The following RUBCNL variants were observed in gnomAD, a reference collection of about 807,000 sequenced individuals.
RUBCNL encodes the protein rubicon like autophagy enhancer.
In RUBCNL, 62 loss-of-function variants were observed where a neutral mutation model predicts 69.5. That is an observed-to-expected ratio of 0.89 (90% CI 0.73 to 1.10). RUBCNL has a LOEUF of 1.10. Among genes scored for constraint, RUBCNL ranks in the 50% least tolerant of loss-of-function variants. The pLI is 0.00. For missense variants in RUBCNL, 768 were observed against 798.1 expected, an observed-to-expected ratio of 0.96 and a Z score of 0.45; for synonymous variants, 291 against 303.6, an observed-to-expected ratio of 0.96 and a Z score of 0.43.
rs375648946 is a variant in RUBCNL at position 46,376,479 on chromosome 13, C to T, written c.-123+1411G>A. Among the ~76,000 whole-genome samples, 369 of 152,200 alleles carry T rather than the reference C, an allele frequency of 2.4e-3. 4 individuals are homozygous for T. Among genetic ancestry groups the T allele is most frequent in the South Asian group, 0.016 (77 of 4,812 alleles). Reference sequence around the variant, plus strand: ...ACAGAGTACAGCTGGTTGTGTTAACCGCCAGAACTCACCAGCCCAAGATGC... The same window carrying T: ...ACAGAGTACAGCTGGTTGTGTTAACTGCCAGAACTCACCAGCCCAAGATGC... On this transcript the variant is annotated intron_variant, in intron 2 of 14. Transcript: ENST00000429979.
chr13:46,345,644 C>A, intron 12 of RUBCNL, 44 bp from the exon 13 acceptor site: 1 of 1,603,842 alleles, frequency 6.2e-7, no homozygotes, highest in African/African-American at 1.3e-5. Flanking sequence ...CCCACCCACA[C>A]AGAGGACAGG....
intron 11 of RUBCNL, 151 bp downstream of exon 11, chr13:46,349,962 G>C: frequency 1.6e-6 from 1 of 640,938 alleles, no homozygotes; most frequent in Non-Finnish European, 2.7e-6. Flanking sequence ...GGGATTACAG[G>C]TGTGAGCCCC....
Position 46,372,184 on chromosome 13 carries a change from A to G in RUBCNL, c.292T>C (p.Ser98Pro). The G allele has an allele frequency of 6.2e-7, 1 of 1,613,992 alleles. No individual in the cohort carries two copies. The highest frequency in any genetic ancestry group is 8.5e-7 in the Non-Finnish European group (1 of 1,179,872). ...TCAGACAACGTTGTCTCTGCCAGGG[A>G]GTCCCCGAGGCACGAAGGTGAAGGG... ...SGPSPSCLGDSLAETTLSEDT... is the reference protein window; with the variant it reads ...SGPSPSCLGDPLAETTLSEDT... Residue 98 changes from serine (S) to proline (P), a missense_variant, in exon 3 of 15, where the codon TCC (serine) becomes CCC (proline). Transcript: ENST00000429979.
Position 46,341,963 on chromosome 13 carries a change from A to G in RUBCNL, c.*1422T>C, listed in dbSNP as rs1035057455. On this transcript the variant is annotated 3_prime_UTR_variant, in exon 15 of 15. Transcript: ENST00000429979. The stretch of plus-strand genomic sequence containing the variant: ...CATACCACTCTTACCCTTGATTCTT[A>G]ACAGGGAATAGGAGCAATGGGCAAG... The G allele has an allele frequency of 6.6e-6, 1 of 152,252 alleles. No individual in the cohort carries two copies. Among genetic ancestry groups the G allele is most frequent in the Non-Finnish European group, 1.5e-5 (1 of 68,040 alleles). The allele number at this position is 152,252 out of a possible 1,614,324, so 9.4% of individuals were successfully genotyped here. A position where few individuals can be genotyped will look rare whatever the true frequency, so the allele number is the denominator to read the frequency against.
intron 1 of RUBCNL, 43 bp downstream of exon 1, chr13:46,387,091 C>G (rs1199939388): frequency 1.6e-5 from 16 of 985,710 alleles, no homozygotes; most frequent in Non-Finnish European, 1.9e-5. Context: ...ACCCTCTCCA[C>G]CCCGCGCCGC....
chr13:46,339,414 AG>A lies in RUBCNL; in HGVS notation c.*3970del, dbSNP rs2048125666. ...CGATGAGTTCAGGAAGGCTTCCTGC[AG>A]GTAGCATCTGACGGTGGCTAAGCCA... On this transcript the variant is annotated 3_prime_UTR_variant, in exon 15 of 15. Transcript: ENST00000429979. 6.6e-6 allele frequency among the ~76,000 whole-genome samples: 1 copy of A among 152,204 alleles called. No homozygotes were observed. Among genetic ancestry groups the A allele is most frequent in the Non-Finnish European group, 1.5e-5 (1 of 68,030 alleles).
chr13:46,376,873 G>A (rs150171495), intron 2 of RUBCNL, among the ~76,000 whole-genome samples: 84 of 152,264 alleles, frequency 5.5e-4, no homozygotes, highest in African/African-American at 1.9e-3. Context: ...TATGTCTTGA[G>A]GGTCTATGTG....
At position 46,372,101 on chromosome 13, in the gene RUBCNL, G is replaced by A; in HGVS notation, c.375C>T (p.Ser125=). The change falls in exon 3 of 15, where the codon AGC becomes AGT. Residue 125 remains serine (S), a synonymous_variant. Coordinates refer to ENST00000429979, the MANE Select transcript of RUBCNL (RefSeq NM_025113.5). ...ASPHGSSEKS[S]SFSLSSTEVH... ...CCTCTGTTGAGGACAGAGAGAAGCT[G>A]CTACTCTTTTCACTCGAGCCATGGG... The A allele has an allele frequency of 6.2e-7, 1 of 1,613,996 alleles. No homozygotes were observed. The highest frequency in any genetic ancestry group is 8.5e-7 in the Non-Finnish European group (1 of 1,179,886).
intron 12 of RUBCNL, among the ~76,000 whole-genome samples, chr13:46,348,863 A>G (rs968525428): frequency 6.6e-6 from 1 of 152,042 alleles, no homozygotes; most frequent in African/African-American, 2.4e-5. Context: ...CGGCCTCCCA[A>G]AGTACTGGGA....
At chr13:46,370,636 T>C (rs1190559050) in intron 3 of RUBCNL, among the ~76,000 whole-genome samples, 1 of 152,230 alleles carries the variant, frequency 6.6e-6, no homozygotes, top group Non-Finnish European at 1.5e-5. Context: ...GGCTGGGGTA[T>C]CTGTTTTCTT....
In RUBCNL at chr13:46,344,730, T is replaced by G; in HGVS notation, c.1876+11A>C. ...CTATTATTAAGCTTATGTTATTAAG[T>G]TATTAAATACCTGAACATCTTCTAC... is the stretch of plus-strand genomic sequence containing the variant. On this transcript the variant is annotated intron_variant, in intron 14 of 14. Transcript: ENST00000429979. 2 of 1,567,836 alleles carry G rather than the reference T, an allele frequency of 1.3e-6. No homozygotes were observed.
chr13:46,364,396 C>CAA (rs577189836), intron 5 of RUBCNL, among the ~76,000 whole-genome samples: 2,240 of 148,488 alleles, frequency 0.015, 36 homozygotes, highest in East Asian at 0.058. Context: ...GACTCCATCT[C>CAA]AAAAAAAAAA....
Position 46,356,892 on chromosome 13 carries a change from C to CATT in RUBCNL, c.1266-397_1266-396insAAT, listed in dbSNP as rs1009828353. On this transcript the variant is annotated intron_variant, in intron 9 of 14. Coordinates refer to ENST00000429979, the MANE Select transcript of RUBCNL (RefSeq NM_025113.5). ...AGCTAGCTTTTTTTGGCTTTATTTA[C>CATT]TTTTTTTTTTTTTTTTGGTAGAGAT... Among the ~76,000 whole-genome samples, 14 of 135,054 alleles carry CATT rather than the reference C, an allele frequency of 1.0e-4. 1 individual carries two copies. Among genetic ancestry groups the CATT allele is most frequent in the African/African-American group, 3.7e-4 (14 of 37,356 alleles). 88.6% of individuals were successfully genotyped at this position (135,054 alleles called of 152,430 possible). A position where few individuals can be genotyped will look rare whatever the true frequency, so the allele number is the denominator to read the frequency against.
rs1006439734 is a variant in RUBCNL, at chr13:46,350,291, T to C, written c.1391A>G (p.His464Arg). Residue 464 changes from histidine (H) to arginine (R), a missense_variant, in exon 11 of 15, where the codon CAC becomes CGC. Physicochemically the swap from His to Arg is conservative, Grantham distance 29 (BLOSUM62 0). Coordinates refer to ENST00000429979, the MANE Select transcript of RUBCNL (RefSeq NM_025113.5). ...YLGKYFCDCC[H>R]SYAESCIPAR... ...AGGGATGCACGACTCTGCATATGAG[T>C]GGCAGCAGTCACAGAAATACTTCCC... 4 of 1,579,856 alleles carry C rather than the reference T, an allele frequency of 2.5e-6. No individual in the cohort carries two copies. Among genetic ancestry groups the C allele is most frequent in the Admixed American group, 1.8e-5 (1 of 54,840 alleles).
Position 46,359,683 on chromosome 13 carries a change from T to C in RUBCNL, c.1120-52A>G, listed in dbSNP as rs544251525. ...AACAACTTAAGCATATTTCAAAGAATTTAAATTAAAGAAACATCTAAATGT... is the reference window on the plus strand; with the variant it reads ...AACAACTTAAGCATATTTCAAAGAACTTAAATTAAAGAAACATCTAAATGT... On this transcript the variant is annotated intron_variant, in intron 8 of 14. Coordinates refer to ENST00000429979, the MANE Select transcript of RUBCNL (RefSeq NM_025113.5). The C allele has an allele frequency of 2.0e-5, 28 of 1,428,354 alleles. No homozygotes were observed. The African/African-American group carries it at 3.6e-4, about 18-fold the overall frequency. 88.5% of individuals were successfully genotyped at this position (1,428,354 alleles called of 1,614,324 possible).
At chr13:46,386,885 C>G (rs2138868625) in intron 1 of RUBCNL, among the ~76,000 whole-genome samples, 1 of 152,324 alleles carries the variant, frequency 6.6e-6, no homozygotes, top group African/African-American at 2.4e-5. Flanking sequence ...AACACAGGGT[C>G]AACCTCACTC....
In RUBCNL at chr13:46,377,866, C is replaced by T. The variant is rs1050854506; in HGVS notation, c.-123+24G>A. On this transcript the variant is annotated intron_variant, in intron 2 of 14. Transcript: ENST00000429979. ...CAGCTGGGCAGTGGCAGAGAGAAGA[C>T]AAAAGGCCAGGTCGGACACTCACCA... 5 of 1,450,898 alleles carry T rather than the reference C, an allele frequency of 3.4e-6. No individual in the cohort carries two copies. In the African/African-American group the frequency reaches 4.2e-5, roughly 12 times the overall value. The allele number at this position is 1,450,898 out of a possible 1,614,324, so 89.9% of individuals were successfully genotyped here.
chr13:46,384,873 A>G (rs1594190704), intron 1 of RUBCNL, among the ~76,000 whole-genome samples: 2 of 152,326 alleles, frequency 1.3e-5, no homozygotes, highest in East Asian at 3.9e-4. Flanking sequence ...GGGTTAGAAA[A>G]GGAAGTAAAG....
intron 12 of RUBCNL, among the ~76,000 whole-genome samples, chr13:46,348,085 G>A (rs960456407): frequency 6.6e-6 from 1 of 152,170 alleles, no homozygotes; most frequent in Non-Finnish European, 1.5e-5. Flanking sequence ...GTCACAAAAA[G>A]ACAAATACTG....
Sources: allele counts gnomAD v4.1 joint callset (sites outside exome capture counted in the v4.1 genomes callset), GRCh38; gene constraint gnomAD v4.1.1; transcripts MANE v1.5; gene names NCBI Gene and HGNC (gene_info 2026-07-23, HGNC 2026-07-21).